ANKRD30A: variants seen among roughly 807,000 people sequenced by gnomAD.
ANKRD30A encodes the protein ankyrin repeat domain-containing protein 30A.
ANKRD30A carries 170 observed loss-of-function variants against 166.3 expected under a neutral mutation model. That is an observed-to-expected ratio of 1.02 (90% CI 0.90 to 1.16). ANKRD30A has a LOEUF of 1.16. Ranked by LOEUF, ANKRD30A falls within the 50% of genes most tolerant of loss-of-function variation. The pLI is 0.00. For synonymous variants in ANKRD30A, 564 were observed against 508.9 expected (o/e 1.11, Z -1.46); for missense variants, 1,630 against 1,518.0 (o/e 1.07, Z -1.23).
At chr10:37,142,358 T>C in intron 7 of ANKRD30A, 68 bp downstream of exon 7, 1 of 1,415,100 alleles carries the variant, frequency 7.1e-7, no homozygotes, top group South Asian at 1.4e-5. Flanking sequence ...AAAAGTGTGA[T>C]ATGGGAGTAG....
Position 37,158,386 on chromosome 10 carries a change from T to C in ANKRD30A, c.1799-6T>C, listed in dbSNP as rs1838548293. ...TAATCAATTATGTATGTCCCTTTTC[T>C]TATAGAGTCTCCTAATAAAGATGGT... On this transcript the variant is annotated splice_region_variant and splice_polypyrimidine_tract_variant and intron_variant, in intron 13 of 35. Coordinates refer to ENST00000361713, the MANE Select transcript of ANKRD30A (RefSeq NM_052997.3). The C allele has an allele frequency of 3.1e-6, 5 of 1,608,468 alleles. No individual in the cohort carries two copies. The highest frequency in any genetic ancestry group is 1.3e-5 in the African/African-American group (1 of 74,664).
chr10:37,237,312 A>T (rs888857724), downstream of ANKRD30A, among the ~76,000 whole-genome samples: 1 of 152,166 alleles, frequency 6.6e-6, no homozygotes, highest in Non-Finnish European at 1.5e-5. Flanking sequence ...TTAATCAGTG[A>T]TTTTCATAGC....
At chr10:37,204,912 C>T (rs1841890130) in intron 31 of ANKRD30A, among the ~76,000 whole-genome samples, 1 of 152,122 alleles carries the variant, frequency 6.6e-6, no homozygotes, top group Non-Finnish European at 1.5e-5. Flanking sequence ...TCATCTCACA[C>T]CAGTTAGAAT....
chr10:37,256,453 A>G, the ANKRD30A span, among the ~76,000 whole-genome samples: 2 of 152,088 alleles, frequency 1.3e-5, no homozygotes, highest in African/African-American at 4.8e-5. Context: ...TATTACACCC[A>G]TCATTTTAGT....
At position 37,231,575 on chromosome 10, in the gene ANKRD30A, A is replaced by C. The variant is rs1408888775; in HGVS notation, c.*106A>C. The C allele has an allele frequency of 8.1e-6, 7 of 862,254 alleles. No homozygotes were observed. Among genetic ancestry groups the C allele is most frequent in the Non-Finnish European group, 1.2e-5 (7 of 578,564 alleles). The allele number at this position is 862,254 out of a possible 1,614,324, so 53.4% of individuals were successfully genotyped here. A position where few individuals can be genotyped will look rare whatever the true frequency, so the allele number is the denominator to read the frequency against. On this transcript the variant is annotated 3_prime_UTR_variant, in exon 35 of 36. Coordinates refer to ENST00000361713, the MANE Select transcript of ANKRD30A (RefSeq NM_052997.3). ...AGCATCACCTTATGTTGAAAATCTT[A>C]CCAATAGTCTGTGTCAACAGAATAC...
chr10:37,198,861 A>G (rs977930720), intron 29 of ANKRD30A, among the ~76,000 whole-genome samples: 2 of 152,046 alleles, frequency 1.3e-5, no homozygotes, highest in African/African-American at 4.8e-5. Flanking sequence ...CTTTAACCTG[A>G]TTCAAATAGT....
rs1841686407 is a variant in ANKRD30A at position 37,202,372 on chromosome 10, T to A, written c.2869+1047T>A. ...TTAACTACATGGAAACTGAACAACC[T>A]CCTCCAGAATGACTACTGGGTACAT... is the stretch of plus-strand genomic sequence containing the variant. On this transcript the variant is annotated intron_variant, in intron 31 of 35. Coordinates refer to ENST00000361713, the MANE Select transcript of ANKRD30A (RefSeq NM_052997.3). Among the ~76,000 whole-genome samples, 3 of 151,960 alleles carry A rather than the reference T, an allele frequency of 2.0e-5. No homozygotes were observed. The East Asian group carries it at 5.8e-4, about 29-fold the overall frequency.
At chr10:37,172,533 T>C (rs1411172358) in intron 21 of ANKRD30A, among the ~76,000 whole-genome samples, 1 of 145,982 alleles carries the variant, frequency 6.9e-6, no homozygotes, top group Admixed American at 6.8e-5. Context: ...TAGAGGTTTT[T>C]TTTTAATTTC....
At chr10:37,159,591 C>T (rs1299420453) in intron 15 of ANKRD30A, among the ~76,000 whole-genome samples, 1 of 152,108 alleles carries the variant, frequency 6.6e-6, no homozygotes, top group Admixed American at 6.5e-5. Context: ...GTTTTCATGT[C>T]TTATACGCTG....
chr10:37,196,394 G>A (rs1314388076), intron 27 of ANKRD30A, among the ~76,000 whole-genome samples: 3 of 152,006 alleles, frequency 2.0e-5, no homozygotes, highest in African/African-American at 7.3e-5. Context: ...AGATATATTG[G>A]AAACTAAGAA....
chr10:37,262,313 A>G, the ANKRD30A span, among the ~76,000 whole-genome samples: 3 of 152,214 alleles, frequency 2.0e-5, no homozygotes, highest in African/African-American at 7.2e-5. Flanking sequence ...ATCTGCCTGT[A>G]TGTTCCCTAA....
At chr10:37,151,895 T>A (rs1362720174) in intron 11 of ANKRD30A, among the ~76,000 whole-genome samples, 165 bp from the exon 12 acceptor site, 1 of 152,078 alleles carries the variant, frequency 6.6e-6, no homozygotes, top group Admixed American at 6.5e-5. Context: ...AGATTTCAAT[T>A]CTAATGGAAT....
chr10:37,256,351 G>A, the ANKRD30A span, among the ~76,000 whole-genome samples: 1 of 152,152 alleles, frequency 6.6e-6, no homozygotes, highest in Non-Finnish European at 1.5e-5. Context: ...CAAACTCTGG[G>A]GCTCAAGCAG....
Position 37,158,249 on chromosome 10 carries a change from T to C in ANKRD30A, c.1799-143T>C, listed in dbSNP as rs554507841. 247 of 1,384,640 alleles carry C rather than the reference T, an allele frequency of 1.8e-4. No individual in the cohort carries two copies. The African/African-American group carries it at 3.2e-3, about 18-fold the overall frequency. The allele number at this position is 1,384,640 out of a possible 1,614,324, so 85.8% of individuals were successfully genotyped here. On this transcript the variant is annotated intron_variant, in intron 13 of 35. Coordinates refer to ENST00000361713, the MANE Select transcript of ANKRD30A (RefSeq NM_052997.3). The stretch of plus-strand genomic sequence containing the variant: ...CACGTTGGCATGATAACAAATACAA[T>C]AACCCAAAAGACCCCAAAACATAGT...
Position 37,193,196 on chromosome 10 carries a change from G to T in ANKRD30A, c.2552G>T (p.Arg851Ile), listed in dbSNP as rs1405837998. ...DNDGFLKAPC[R>I]MKVSIPTKAL... ...TCTAAACCCATTTAGGCTCCCTGCAGAATGAAAGTTTCTATTCCAACTAAA... is the reference window on the plus strand; with the variant it reads ...TCTAAACCCATTTAGGCTCCCTGCATAATGAAAGTTTCTATTCCAACTAAA... The change falls in exon 27 of 36, where the codon AGA (arginine) becomes ATA (isoleucine). Residue 851 changes from arginine to isoleucine, a missense_variant. Transcript: ENST00000361713. 1 of 1,611,734 alleles carries T rather than the reference G, an allele frequency of 6.2e-7. No individual in the cohort carries two copies. The highest frequency in any genetic ancestry group is 1.3e-5 in the African/African-American group (1 of 74,672).
At chr10:37,243,088 T>G in the ANKRD30A span, among the ~76,000 whole-genome samples, 4 of 152,146 alleles carry the variant, frequency 2.6e-5, no homozygotes, top group African/African-American at 9.6e-5. Flanking sequence ...ATTTCTAGGT[T>G]ATTTGGTTCA....
chr10:37,249,199 C>T, the ANKRD30A span, among the ~76,000 whole-genome samples: 1 of 152,222 alleles, frequency 6.6e-6, no homozygotes, highest in Non-Finnish European at 1.5e-5. Context: ...GGGAAGGCTT[C>T]CTAGTTATAT....
chr10:37,244,028 GT>G, the ANKRD30A span, among the ~76,000 whole-genome samples: 1 of 152,110 alleles, frequency 6.6e-6, no homozygotes, highest in African/African-American at 2.4e-5. Flanking sequence ...CAGCATTTGT[GT>G]GATTATCATA....
chr10:37,248,449 G>A, the ANKRD30A span, among the ~76,000 whole-genome samples: 1 of 152,130 alleles, frequency 6.6e-6, no homozygotes, highest in African/African-American at 2.4e-5. Flanking sequence ...CATGGGGTAT[G>A]TTCTCCAGTT....
Sources: gnomAD v4.1 joint callset for allele counts (sites outside exome capture counted in the v4.1 genomes callset) on GRCh38, gnomAD v4.1.1 for gene constraint, MANE v1.5 for transcripts, NCBI Gene and HGNC (gene_info 2026-07-23, HGNC 2026-07-21) for gene names.